The following TMEM196 variants were observed in gnomAD, a reference collection of about 807,000 sequenced individuals.
The protein encoded by TMEM196 is transmembrane protein 196.
TMEM196 carries 17 observed loss-of-function variants against 20.0 expected under a neutral mutation model. That is an observed-to-expected ratio of 0.85 (90% CI 0.58 to 1.27). The LOEUF is 1.27. Ranked by LOEUF, TMEM196 falls within the 50% of genes most tolerant of loss-of-function variation. The probability of loss-of-function intolerance (pLI) is 0.00; values close to 1 mark genes in which losing one functional copy is unlikely to be tolerated. For synonymous variants in TMEM196, 113 were observed against 88.9 expected, an observed-to-expected ratio of 1.27 and a Z score of -1.52; for missense variants, 267 against 223.0, an observed-to-expected ratio of 1.20 and a Z score of -1.26.
At chr7:19,770,677 C>A (rs2128041728) in intron 1 of TMEM196, among the ~76,000 whole-genome samples, 1 of 152,188 alleles carries the variant, frequency 6.6e-6, no homozygotes, top group South Asian at 2.1e-4. Flanking sequence ...TCTAAACAAC[C>A]AGTTAAAAAA....
chr7:19,742,402 T>C (rs189945670), intron 1 of TMEM196, among the ~76,000 whole-genome samples: 14 of 152,062 alleles, frequency 9.2e-5, no homozygotes, highest in Middle Eastern at 3.4e-3. Context: ...ACAGGGAGAG[T>C]ATGGTGCCCT....
intron 1 of TMEM196, among the ~76,000 whole-genome samples, chr7:19,763,812 A>G (rs1162992438): frequency 6.6e-6 from 1 of 152,216 alleles, no homozygotes; most frequent in Non-Finnish European, 1.5e-5. Flanking sequence ...ATTGAATAAT[A>G]TAAATATCAC....
chr7:19,735,457 G>A (rs1006719786), intron 1 of TMEM196, among the ~76,000 whole-genome samples: 5 of 152,098 alleles, frequency 3.3e-5, no homozygotes, highest in Middle Eastern at 3.4e-3. Context: ...TCTGTCTCCC[G>A]CTCTTTCTTT....
rs57276805 is a variant in TMEM196, at chr7:19,748,263, CAAAAAAAAAAAAAA to C, written c.148-18839_148-18826del. Among the ~76,000 whole-genome samples, 10 of 20,780 alleles carry C rather than the reference CAAAAAAAAAAAAAA, an allele frequency of 4.8e-4. No homozygotes were observed. The East Asian group carries it at 5.7e-3, about 12-fold the overall frequency. 13.6% of individuals were successfully genotyped at this position (20,780 alleles called of 152,430 possible). ...TTCAGAGATGTTCACTGTGGCTGTC[CAAAAAAAAAAAAAA>C]AAAAAAAAAAAAAACAGTGTAATGA... is the stretch of plus-strand genomic sequence containing the variant. On this transcript the variant is annotated intron_variant, in intron 1 of 4. Transcript: ENST00000405844.
intron 1 of TMEM196, among the ~76,000 whole-genome samples, chr7:19,766,475 AC>A (rs1483080100): frequency 1.3e-5 from 2 of 151,792 alleles, no homozygotes; most frequent in Non-Finnish European, 2.9e-5. Context: ...TTATTTAGGT[AC>A]AGGAGTTCCA....
intron 1 of TMEM196, among the ~76,000 whole-genome samples, chr7:19,729,787 C>T (rs376459090): frequency 6.6e-6 from 1 of 152,150 alleles, no homozygotes; most frequent in Non-Finnish European, 1.5e-5. Flanking sequence ...TTCATTCACA[C>T]TTAACAACTA....
chr7:19,753,854 C>A (rs1785091411), intron 1 of TMEM196, among the ~76,000 whole-genome samples: 1 of 152,168 alleles, frequency 6.6e-6, no homozygotes, highest in Non-Finnish European at 1.5e-5. Context: ...CTCTCATAGG[C>A]CTTGCCTCCA....
Position 19,749,969 on chromosome 7 carries a change from C to A in TMEM196, c.148-20531G>T, listed in dbSNP as rs1583444284. On this transcript the variant is annotated intron_variant, in intron 1 of 4. Coordinates refer to ENST00000405844, the MANE Select transcript of TMEM196 (RefSeq NM_001363562.2). ...AATGTCTTCCATTAACAAAGGCAGC[C>A]TTTTATATCCTAAATGACTTTGATT... Among the ~76,000 whole-genome samples, 5 of 152,296 alleles carry A rather than the reference C, an allele frequency of 3.3e-5. 1 individual carries two copies. The highest frequency in any genetic ancestry group is 6.8e-3 in the Middle Eastern group (2 of 294).
intron 1 of TMEM196, among the ~76,000 whole-genome samples, chr7:19,737,552 C>A (rs896456291): frequency 6.6e-6 from 1 of 151,864 alleles, no homozygotes; most frequent in Non-Finnish European, 1.5e-5. Flanking sequence ...GTGGTATATT[C>A]ATACAATGCA....
At position 19,722,103 on chromosome 7, in the gene TMEM196, G is replaced by C. The variant is rs1477362625; in HGVS notation, c.*25C>G. On this transcript the variant is annotated 3_prime_UTR_variant, in exon 5 of 5. Transcript: ENST00000405844. The stretch of plus-strand genomic sequence containing the variant: ...CACTCTTCCATTAAATATCAGCTGT[G>C]GTCCTCCATTGCTCATGTTGTCTGT... 1.2e-6 allele frequency: 2 copies of C among 1,609,880 alleles called. No individual in the cohort carries two copies. Among genetic ancestry groups the C allele is most frequent in the Non-Finnish European group, 1.7e-6 (2 of 1,178,186 alleles).
At chr7:19,769,484 C>A (rs757965533) in intron 1 of TMEM196, among the ~76,000 whole-genome samples, 19 of 152,194 alleles carry the variant, frequency 1.2e-4, no homozygotes, top group Non-Finnish European at 2.2e-4. Flanking sequence ...GGCCACAACC[C>A]AACCTGTCCC....
chr7:19,745,357 C>T (rs1784715080), intron 1 of TMEM196, among the ~76,000 whole-genome samples: 1 of 152,018 alleles, frequency 6.6e-6, no homozygotes, highest in African/African-American at 2.4e-5. Context: ...ATTGGAAACA[C>T]CTTGTCACAA....
intron 1 of TMEM196, among the ~76,000 whole-genome samples, chr7:19,759,537 C>G (rs1208068084): frequency 3.9e-5 from 6 of 152,080 alleles, no homozygotes; most frequent in Non-Finnish European, 8.8e-5. Context: ...ATTTATCTAA[C>G]AGTCCACAGC....
chr7:19,723,220 G>T (rs1180166028), intron 4 of TMEM196, among the ~76,000 whole-genome samples: 1 of 152,004 alleles, frequency 6.6e-6, no homozygotes, highest in South Asian at 2.1e-4. Context: ...CTGATTTGAG[G>T]CTTCATTGAG....
intron 1 of TMEM196, among the ~76,000 whole-genome samples, chr7:19,754,009 A>T (rs1231172859): frequency 3.9e-5 from 6 of 152,074 alleles, no homozygotes; most frequent in African/African-American, 1.2e-4. Flanking sequence ...CATACACTTT[A>T]TTGTGTATTG....
chr7:19,748,552 A>G (rs1371268037), intron 1 of TMEM196, among the ~76,000 whole-genome samples: 1 of 152,220 alleles, frequency 6.6e-6, no homozygotes, highest in East Asian at 1.9e-4. Flanking sequence ...GTCGTCTGAC[A>G]TAAACATGTC....
At chr7:19,745,712 C>A (rs73682804) in intron 1 of TMEM196, among the ~76,000 whole-genome samples, 2,326 of 147,394 alleles carry the variant, frequency 0.016, 67 homozygotes, top group African/African-American at 0.055. Context: ...AATATGCCGG[C>A]CCTGTTCCAT....
chr7:19,768,997 A>T (rs972476611), intron 1 of TMEM196, among the ~76,000 whole-genome samples: 5 of 152,156 alleles, frequency 3.3e-5, no homozygotes, highest in Admixed American at 6.5e-5. Flanking sequence ...CCTAGATAAA[A>T]AGCTTATGAT....
intron 4 of TMEM196, among the ~76,000 whole-genome samples, chr7:19,722,734 T>C (rs950411936): frequency 1.3e-5 from 2 of 152,078 alleles, no homozygotes; most frequent in African/African-American, 4.8e-5. Context: ...AAAAAGTTAA[T>C]AAGTAAAACT....
Sources: gnomAD v4.1 joint callset for allele counts (sites outside exome capture counted in the v4.1 genomes callset) on GRCh38, gnomAD v4.1.1 for gene constraint, MANE v1.5 for transcripts, NCBI Gene and HGNC (gene_info 2026-07-23, HGNC 2026-07-21) for gene names.